Variants in PROK2 observed in about 807,000 individuals in gnomAD.
PROK2 encodes the protein prokineticin-2.
A neutral mutation model predicts 14.2 loss-of-function variants in PROK2; 8 were observed. The observed-to-expected ratio is 0.56, with a 90% confidence interval of 0.33 to 1.02. PROK2 has a LOEUF of 1.02. Ranked by LOEUF, PROK2 falls within the 50% of genes least tolerant of loss-of-function variation. The probability of loss-of-function intolerance (pLI) is 0.03; values close to 1 mark genes in which losing one functional copy is unlikely to be tolerated. For missense variants in PROK2, 154 were observed against 160.4 expected, an observed-to-expected ratio of 0.96 and a Z score of 0.22; for synonymous variants, 59 against 60.7, an observed-to-expected ratio of 0.97 and a Z score of 0.13.
At position 71,772,725 on chromosome 3, in the gene PROK2, T is replaced by C. The variant is rs759896957; in HGVS notation, c.389A>G (p.Ter130=). 1.9e-6 allele frequency: 3 copies of C among 1,612,740 alleles called. No individual in the cohort carries two copies. The highest frequency in any genetic ancestry group is 1.7e-6 in the Non-Finnish European group (2 of 1,178,784). ...CATTTGGTTTCTACTCCAGAGCGAT[T>C]ACTTTTGGGCTAAACAAATAAATCG... ...FNRFICLAQK[*] is the part of the protein sequence containing the mutation. Residue 130 remains the stop codon, a stop_retained_variant, in exon 4 of 4, where the codon TAA becomes TGA. Transcript: ENST00000295619.
At chr3:71,784,436 A>T (rs1027713139) in intron 1 of PROK2, among the ~76,000 whole-genome samples, 1 of 152,224 alleles carries the variant, frequency 6.6e-6, no homozygotes, top group Non-Finnish European at 1.5e-5. Context: ...CAAAGCGCTC[A>T]CATGGCCCTG....
chr3:71,784,030 A>G (rs767619370), intron 1 of PROK2, among the ~76,000 whole-genome samples: 1 of 152,242 alleles, frequency 6.6e-6, no homozygotes, highest in Non-Finnish European at 1.5e-5. Flanking sequence ...AAATCCCATT[A>G]TGTGCACTTA....
At chr3:71,778,719 C>A (rs1249591483) in intron 2 of PROK2, among the ~76,000 whole-genome samples, 2 of 152,062 alleles carry the variant, frequency 1.3e-5, no homozygotes, top group African/African-American at 4.8e-5. Flanking sequence ...TTGAACAGAC[C>A]ATACAGCTGA....
chr3:71,779,640 G>A (rs2050146178), intron 2 of PROK2, among the ~76,000 whole-genome samples: 1 of 152,134 alleles, frequency 6.6e-6, no homozygotes, highest in Admixed American at 6.5e-5. Context: ...GTCTTGCTCT[G>A]TCACCCAGGC....
intron 2 of PROK2, among the ~76,000 whole-genome samples, chr3:71,777,820 G>C (rs1039803282): frequency 1.3e-5 from 2 of 151,038 alleles, no homozygotes; most frequent in Admixed American, 6.6e-5. Context: ...GAAAGTTACC[G>C]GCATTAATAG....
intron 2 of PROK2, among the ~76,000 whole-genome samples, 197 bp from the exon 3 acceptor site, chr3:71,774,704 G>A (rs2050105110): frequency 1.3e-5 from 2 of 152,108 alleles, no homozygotes; most frequent in African/African-American, 4.8e-5. Flanking sequence ...TTCACCACTG[G>A]ATTAATAGAG....
rs2050085219 is a variant in PROK2 at position 71,772,298 on chromosome 3, G to T, written c.*426C>A. 6.0e-6 allele frequency: 1 copy of T among 167,410 alleles called. No individual in the cohort carries two copies. The highest frequency in any genetic ancestry group is 2.4e-5 in the African/African-American group (1 of 41,476). The allele number at this position is 167,410 out of a possible 1,614,324, so 10.4% of individuals were successfully genotyped here. Reference sequence around the variant, plus strand: ...GGTAAGAGCCTTGAAATTCTTTGAGGTGGAAGAGGCAAGGGACCAAAAGCT... The same window carrying T: ...GGTAAGAGCCTTGAAATTCTTTGAGTTGGAAGAGGCAAGGGACCAAAAGCT... On this transcript the variant is annotated 3_prime_UTR_variant, in exon 4 of 4. Coordinates refer to ENST00000295619, the MANE Select transcript of PROK2 (RefSeq NM_001126128.2).
chr3:71,774,906 C>T (rs1384255639), intron 2 of PROK2, among the ~76,000 whole-genome samples: 2 of 152,292 alleles, frequency 1.3e-5, no homozygotes, highest in East Asian at 1.9e-4. Context: ...CATAAGTTTC[C>T]TTTCTGCCAA....
intron 2 of PROK2, among the ~76,000 whole-genome samples, chr3:71,777,819 C>T (rs920502926): frequency 6.0e-5 from 9 of 150,240 alleles, no homozygotes; most frequent in East Asian, 1.9e-4. Flanking sequence ...GGAAAGTTAC[C>T]GGCATTAATA....
chr3:71,772,371 G>GA lies in PROK2; in HGVS notation c.*352dup, dbSNP rs760814546. ...GCACAAATGGGGCTTGGGGTGGTGA[G>GA]AAAAAAAAAAAAAAGTTTTTCTAAC... On this transcript the variant is annotated 3_prime_UTR_variant, in exon 4 of 4. Coordinates refer to ENST00000295619, the MANE Select transcript of PROK2 (RefSeq NM_001126128.2). 10,710 of 199,212 alleles carry GA rather than the reference G, an allele frequency of 0.054. No homozygotes were observed. Among genetic ancestry groups the GA allele is most frequent in the South Asian group, 0.12 (1,943 of 15,956 alleles). The allele number at this position is 199,212 out of a possible 1,614,324, so 12.3% of individuals were successfully genotyped here. A position where few individuals can be genotyped will look rare whatever the true frequency, so the allele number is the denominator to read the frequency against.
At chr3:71,780,747 G>A (rs917271975) in intron 2 of PROK2, among the ~76,000 whole-genome samples, 1 of 151,976 alleles carries the variant, frequency 6.6e-6, no homozygotes, top group Non-Finnish European at 1.5e-5. Context: ...CCACCCACCC[G>A]CTTCCTCATG....
rs747250935 is a variant in PROK2, at chr3:71,785,070, G to A, written c.-18C>T. 8.9e-6 allele frequency: 11 copies of A among 1,232,330 alleles called. No individual in the cohort carries two copies. The South Asian group carries it at 2.9e-4, about 32-fold the overall frequency. 76.3% of individuals were successfully genotyped at this position (1,232,330 alleles called of 1,614,324 possible). ...CTCCTCATGGCGCCCTCGGGACTGGGCGGCCGCCGGAGGCAGTTGGGGGCG... is the reference window on the plus strand; with the variant it reads ...CTCCTCATGGCGCCCTCGGGACTGGACGGCCGCCGGAGGCAGTTGGGGGCG... On this transcript the variant is annotated 5_prime_UTR_variant, in exon 1 of 4. Coordinates refer to ENST00000295619, the MANE Select transcript of PROK2 (RefSeq NM_001126128.2).
In PROK2 at chr3:71,772,559, TAAAA is replaced by T. The variant is rs56679628; in HGVS notation, c.*161_*164del. On this transcript the variant is annotated 3_prime_UTR_variant, in exon 4 of 4. Coordinates refer to ENST00000295619, the MANE Select transcript of PROK2 (RefSeq NM_001126128.2). ...ATCCAAAAGTAAAATTCTCTTTCGA[TAAAA>T]AAAAAAAAAAATCATTTACAAATCA... The T allele has an allele frequency of 5.0e-6, 3 of 601,356 alleles. No homozygotes were observed. The highest frequency in any genetic ancestry group is 5.8e-6 in the Non-Finnish European group (2 of 347,696). The allele number at this position is 601,356 out of a possible 1,614,324, so 37.3% of individuals were successfully genotyped here. A position where few individuals can be genotyped will look rare whatever the true frequency, so the allele number is the denominator to read the frequency against.
rs1396253995 is a variant in PROK2, at chr3:71,772,764, C to T, written c.350G>A (p.Arg117Gln). ...ACAAATAAATCGGTTAAATGAAGTC[C>T]GTAAACAGGCCAAGCCTGGCAGACA... ...CPCLPGLACLRTSFNRFICLA... is the reference protein window; with the variant it reads ...CPCLPGLACLQTSFNRFICLA... Residue 117 changes from arginine to glutamine, a missense_variant, in exon 4 of 4, where the codon CGG (arginine) becomes CAG (glutamine). By Grantham distance (43) the Arg-to-Gln change is conservative (BLOSUM62 1). Coordinates refer to ENST00000295619, the MANE Select transcript of PROK2 (RefSeq NM_001126128.2). The T allele has an allele frequency of 6.8e-6, 11 of 1,614,024 alleles. No homozygotes were observed. The highest frequency in any genetic ancestry group is 6.7e-5 in the African/African-American group (5 of 74,882).
intron 2 of PROK2, among the ~76,000 whole-genome samples, chr3:71,774,950 AC>A (rs1438998276): frequency 6.6e-6 from 1 of 152,112 alleles, no homozygotes; most frequent in Non-Finnish European, 1.5e-5. Flanking sequence ...GTGATTCTCC[AC>A]TAGGGACGAT....
At chr3:71,784,841 C>T in intron 1 of PROK2, 116 bp downstream of exon 1, 1 of 921,046 alleles carries the variant, frequency 1.1e-6, no homozygotes, top group African/African-American at 1.7e-5. Context: ...CAGGTGTCCC[C>T]GCCCAGGGCG....
chr3:71,779,343 T>G (rs1175721429), intron 2 of PROK2, among the ~76,000 whole-genome samples: 1 of 152,258 alleles, frequency 6.6e-6, no homozygotes, highest in African/African-American at 2.4e-5. Flanking sequence ...GAGTGTCTCT[T>G]GTTTACTCAC....
At chr3:71,778,030 C>G (rs965384425) in intron 2 of PROK2, among the ~76,000 whole-genome samples, 1 of 151,930 alleles carries the variant, frequency 6.6e-6, no homozygotes, top group East Asian at 1.9e-4. Flanking sequence ...CCCGTCTCTA[C>G]GAAAAATACC....
At chr3:71,773,454 G>A (rs1048731560) in intron 3 of PROK2, among the ~76,000 whole-genome samples, 21 of 152,146 alleles carry the variant, frequency 1.4e-4, no homozygotes, top group Admixed American at 5.2e-4. Context: ...GAGTGGGCCC[G>A]AGAGACCAAG....
Sources: allele counts gnomAD v4.1 joint callset (sites outside exome capture counted in the v4.1 genomes callset), GRCh38; gene constraint gnomAD v4.1.1; transcripts MANE v1.5; gene names NCBI Gene and HGNC (gene_info 2026-07-23, HGNC 2026-07-21).